The following NCKAP5 variants were observed in gnomAD, a reference collection of about 807,000 sequenced individuals.
The protein encoded by NCKAP5 is NCK associated protein 5, also known as nck-associated protein 5.
Under a neutral mutation model 167.0 loss-of-function variants are expected in NCKAP5, and 92 were observed. That is an observed-to-expected ratio of 0.55 (90% CI 0.47 to 0.66). NCKAP5 has a LOEUF of 0.66. Among genes scored for constraint, NCKAP5 ranks in the 30% least tolerant of loss-of-function variants. The pLI, the probability that NCKAP5 is intolerant of heterozygous loss-of-function variation, is 0.00. For synonymous variants in NCKAP5, 891 were observed against 877.4 expected (o/e 1.02, Z -0.27); for missense variants, 2,378 against 2,315.0 (o/e 1.03, Z -0.56).
the NCKAP5 span, among the ~76,000 whole-genome samples, chr2:133,658,775 CCTGT>C: frequency 6.6e-6 from 1 of 152,058 alleles, no homozygotes; most frequent in South Asian, 2.1e-4. Context: ...TGATTTGGCT[CCTGT>C]CTGTTTGCTG....
intron 4 of NCKAP5, among the ~76,000 whole-genome samples, chr2:133,263,799 T>A (rs1402408151): frequency 6.6e-6 from 1 of 152,194 alleles, no homozygotes; most frequent in Non-Finnish European, 1.5e-5. Context: ...AAACCTTGAT[T>A]GTCTTCATTA....
At chr2:133,667,788 T>C in the NCKAP5 span, among the ~76,000 whole-genome samples, 1 of 152,070 alleles carries the variant, frequency 6.6e-6, no homozygotes, top group African/African-American at 2.4e-5. Context: ...TATTGAGATA[T>C]AATTTATATG....
At position 133,043,637 on chromosome 2, in the gene NCKAP5, C is replaced by T. The variant is rs970886547; in HGVS notation, c.342-49398G>A. Among the ~76,000 whole-genome samples, 20 of 152,152 alleles carry T rather than the reference C, an allele frequency of 1.3e-4. 1 individual carries two copies. The highest frequency in any genetic ancestry group is 2.9e-4 in the Non-Finnish European group (20 of 68,024). ...GCCCAAGGGCCACAGGTTAGACAAG[C>T]TTGCTCTAATTGTTTCATAAGAGTT... On this transcript the variant is annotated intron_variant, in intron 6 of 19. Coordinates refer to ENST00000409261, the MANE Select transcript of NCKAP5 (RefSeq NM_207363.3).
In NCKAP5 at chr2:132,783,014, A is replaced by C. The variant is rs754486607; in HGVS notation, c.3797T>G (p.Leu1266Arg). ...GCGGGCTTTGGCGCCATTCATACCC[A>C]GAGCTGGTTTTAGGTGTGGTTTGCT... Reference protein sequence around the residue: ...SSSKPHLKPALGMNGAKARSH... With the variant: ...SSSKPHLKPARGMNGAKARSH... The change falls in exon 14 of 20, where the codon CTG becomes CGG. Residue 1266 changes from leucine (L) to arginine (R), a missense_variant. Leu to Arg is a moderately radical substitution (Grantham distance 102, BLOSUM62 -2). Coordinates refer to ENST00000409261, the MANE Select transcript of NCKAP5 (RefSeq NM_207363.3). 9 of 1,613,626 alleles carry C rather than the reference A, an allele frequency of 5.6e-6. No homozygotes were observed. In the African/African-American group the frequency reaches 9.3e-5, roughly 17 times the overall value.
intron 3 of NCKAP5, among the ~76,000 whole-genome samples, chr2:133,394,617 T>C (rs1282864853): frequency 6.6e-6 from 1 of 152,218 alleles, no homozygotes; most frequent in Non-Finnish European, 1.5e-5. Context: ...TTGGAAATTA[T>C]CCAAATCTTG....
At chr2:133,459,336 C>T (rs1041576496) in intron 3 of NCKAP5, among the ~76,000 whole-genome samples, 3 of 152,050 alleles carry the variant, frequency 2.0e-5, no homozygotes, top group Non-Finnish European at 2.9e-5. Context: ...CACCACATTT[C>T]GCCCAAATTG....
chr2:133,385,070 C>T (rs566607277), intron 3 of NCKAP5, among the ~76,000 whole-genome samples: 1 of 152,312 alleles, frequency 6.6e-6, no homozygotes, highest in Non-Finnish European at 1.5e-5. Context: ...CTGGCCAGAA[C>T]TTCCAACACT....
chr2:132,962,458 C>T (rs140448128), intron 8 of NCKAP5, among the ~76,000 whole-genome samples: 1 of 152,206 alleles, frequency 6.6e-6, no homozygotes, highest in East Asian at 1.9e-4. Context: ...AGTGCATAAT[C>T]TCACCATTCT....
chr2:133,008,351 TG>T (rs2078038387), intron 6 of NCKAP5, among the ~76,000 whole-genome samples: 2 of 152,192 alleles, frequency 1.3e-5, no homozygotes, highest in African/African-American at 4.8e-5. Context: ...GCATTCCCTC[TG>T]GTCCGGAAAT....
chr2:133,173,804 G>A (rs1454701802), intron 5 of NCKAP5, among the ~76,000 whole-genome samples: 1 of 151,924 alleles, frequency 6.6e-6, no homozygotes, highest in Non-Finnish European at 1.5e-5. Flanking sequence ...AATAAAATCT[G>A]TTTTTGCCAT....
chr2:133,347,279 C>T (rs1684043257), intron 3 of NCKAP5, among the ~76,000 whole-genome samples: 1 of 152,072 alleles, frequency 6.6e-6, no homozygotes. Flanking sequence ...TTCAGCCGGG[C>T]ACGGTGGCTC....
chr2:132,973,755 G>C (rs7600479), intron 7 of NCKAP5, among the ~76,000 whole-genome samples: 2,540 of 150,310 alleles, frequency 0.017, 72 homozygotes, highest in African/African-American at 0.058. Flanking sequence ...AAACAAAAAA[G>C]AAAACCTTCT....
chr2:133,409,754 A>T (rs573314704), intron 3 of NCKAP5, among the ~76,000 whole-genome samples: 219 of 152,324 alleles, frequency 1.4e-3, no homozygotes, highest in African/African-American at 5.1e-3. Flanking sequence ...GGAGCCCATG[A>T]CTTAAAAAGG....
intron 3 of NCKAP5, among the ~76,000 whole-genome samples, chr2:133,445,314 T>C (rs1691126416): frequency 1.3e-5 from 2 of 152,198 alleles, no homozygotes; most frequent in Admixed American, 1.3e-4. Flanking sequence ...ATAAAGATGT[T>C]AAAAATAAAA....
At chr2:132,821,990 A>G (rs1245182602) in intron 11 of NCKAP5, among the ~76,000 whole-genome samples, 3 of 152,100 alleles carry the variant, frequency 2.0e-5, no homozygotes, top group Non-Finnish European at 2.9e-5. Context: ...GGCCCCACCC[A>G]TTACCTGAAA....
In NCKAP5 at chr2:132,941,518, C is replaced by T. The variant is rs180709284; in HGVS notation, c.579+22202G>A. 4.5e-3 allele frequency among the ~76,000 whole-genome samples: 688 copies of T among 152,210 alleles called. 3 individuals are homozygous for T. The highest frequency in any genetic ancestry group is 0.024 in the Middle Eastern group (7 of 294). ...CACTGGGGCGGCAGAACTGGCAACA[C>T]AGAAATCTGGTGTTCCTAGGTGACC... On this transcript the variant is annotated intron_variant, in intron 8 of 19. Transcript: ENST00000409261.
At chr2:132,789,235 A>G (rs2105100562) in intron 13 of NCKAP5, among the ~76,000 whole-genome samples, 1 of 152,330 alleles carries the variant, frequency 6.6e-6, no homozygotes, top group Non-Finnish European at 1.5e-5. Flanking sequence ...ATATTCACAA[A>G]GCGAGGAAAC....
intron 8 of NCKAP5, among the ~76,000 whole-genome samples, chr2:132,950,603 T>C (rs975804964): frequency 3.9e-5 from 6 of 152,242 alleles, no homozygotes; most frequent in Non-Finnish European, 7.3e-5. Flanking sequence ...GTTTGTTTTC[T>C]TATTTGTCTT....
At chr2:133,193,891 C>T (rs1171405923) in intron 5 of NCKAP5, among the ~76,000 whole-genome samples, 1 of 152,034 alleles carries the variant, frequency 6.6e-6, no homozygotes, top group Non-Finnish European at 1.5e-5. Context: ...AAAATACCAA[C>T]ATATTTTAGT....
Sources: gnomAD v4.1 joint callset for allele counts (sites outside exome capture counted in the v4.1 genomes callset) on GRCh38, gnomAD v4.1.1 for gene constraint, MANE v1.5 for transcripts, NCBI Gene and HGNC (gene_info 2026-07-23, HGNC 2026-07-21) for gene names.